PAK1: variants seen among roughly 807,000 people sequenced by gnomAD.
PAK1 encodes the protein p21 (RAC1) activated kinase 1, also known as serine/threonine-protein kinase PAK 1.
In PAK1, 29 loss-of-function variants were observed where a neutral mutation model predicts 67.4. The ratio of observed to expected loss-of-function variants is 0.43; its 90% CI spans 0.32 to 0.59. The LOEUF is 0.59. PAK1 is among the 20% of genes least tolerant of loss of function. The pLI is 0.07. For missense variants in PAK1, 337 were observed against 670.7 expected, an observed-to-expected ratio of 0.50 and a Z score of 5.50; for synonymous variants, 223 against 237.4, an observed-to-expected ratio of 0.94 and a Z score of 0.56.
At chr11:77,490,145 C>T in the PAK1 span, among the ~76,000 whole-genome samples, 6 of 151,648 alleles carry the variant, frequency 4.0e-5, no homozygotes, top group African/African-American at 9.7e-5. Context: ...CTGGCCGCCC[C>T]GTCTGAGAAG....
intron 1 of PAK1, among the ~76,000 whole-genome samples, chr11:77,444,303 A>C (rs1372641634): frequency 6.6e-6 from 1 of 151,396 alleles, no homozygotes; most frequent in African/African-American, 2.4e-5. Context: ...AAAAAAAAAA[A>C]AACCCGACGC....
intron 8 of PAK1, among the ~76,000 whole-genome samples, chr11:77,352,212 C>G (rs1258106800): frequency 6.6e-6 from 1 of 152,148 alleles, no homozygotes; most frequent in Non-Finnish European, 1.5e-5. Context: ...CCTATTCCCA[C>G]TCTACATCCT....
intron 1 of PAK1, among the ~76,000 whole-genome samples, chr11:77,443,990 C>A (rs1036262595): frequency 7.9e-5 from 12 of 152,144 alleles, no homozygotes; most frequent in African/African-American, 2.9e-4. Context: ...CACAGCAACA[C>A]TGGAGAGCAG....
intron 1 of PAK1, among the ~76,000 whole-genome samples, chr11:77,406,905 T>C (rs993060006): frequency 6.6e-6 from 1 of 152,130 alleles, no homozygotes; most frequent in African/African-American, 2.4e-5. Flanking sequence ...CAATACAATA[T>C]GGTAACTGGC....
intron 1 of PAK1, among the ~76,000 whole-genome samples, chr11:77,420,998 CA>C (rs1290907427): frequency 3.9e-5 from 6 of 152,194 alleles, no homozygotes; most frequent in Non-Finnish European, 8.8e-5. Context: ...TCTTGCCTCC[CA>C]GGGTGATCTA....
chr11:77,506,756 G>A, the PAK1 span, among the ~76,000 whole-genome samples: 1 of 152,138 alleles, frequency 6.6e-6, no homozygotes, highest in African/African-American at 2.4e-5. Flanking sequence ...TATGACATAC[G>A]ATGATTTATT....
chr11:77,507,802 A>C, the PAK1 span, among the ~76,000 whole-genome samples: 1 of 152,196 alleles, frequency 6.6e-6, no homozygotes, highest in African/African-American at 2.4e-5. Flanking sequence ...CTGGGATTAC[A>C]CGCATGAGCC....
At chr11:77,498,691 A>ATTTTTT in the PAK1 span, among the ~76,000 whole-genome samples, 131 of 72,078 alleles carry the variant, frequency 1.8e-3, 21 homozygotes, top group East Asian at 2.9e-3. Context: ...CTTGCTTGTA[A>ATTTTTT]TTTTTTTTTT....
chr11:77,394,024 G>A (rs1415622523), intron 1 of PAK1, among the ~76,000 whole-genome samples: 2 of 151,956 alleles, frequency 1.3e-5, no homozygotes, highest in Non-Finnish European at 2.9e-5. Context: ...AGATGGGGGG[G>A]ATTTCCTATC....
At chr11:77,449,094 G>GA (rs1001099613) in intron 1 of PAK1, among the ~76,000 whole-genome samples, 1 of 152,210 alleles carries the variant, frequency 6.6e-6, no homozygotes, top group African/African-American at 2.4e-5. Context: ...GCTCGAAAGA[G>GA]AAACTCCTTC....
At chr11:77,339,646 A>G (rs1469408920) in intron 11 of PAK1, among the ~76,000 whole-genome samples, 3 of 152,056 alleles carry the variant, frequency 2.0e-5, no homozygotes, top group Admixed American at 2.0e-4. Flanking sequence ...TTTTCTTAAC[A>G]CTGATTAAAT....
chr11:77,453,486 T>C (rs898887312), intron 1 of PAK1, among the ~76,000 whole-genome samples: 1 of 150,296 alleles, frequency 6.7e-6, no homozygotes, highest in Non-Finnish European at 1.5e-5. Context: ...AACTTGTAAG[T>C]ATTCTATATT....
chr11:77,464,989 A>AGTGTGT lies in PAK1; in HGVS notation c.-22+8557_-22+8562dup, dbSNP rs57578087. 1.9e-3 allele frequency among the ~76,000 whole-genome samples: 279 copies of AGTGTGT among 148,998 alleles called. 1 individual carries two copies. In the East Asian group the frequency reaches 0.029, roughly 16 times the overall value. ...TATTGGATTGGTACATACATGAAAG[A>AGTGTGT]GTGTGTGTGTGTGTGTGTGTGTGTC... On this transcript the variant is annotated intron_variant, in intron 1 of 14. Transcript: ENST00000356341.
chr11:77,379,543 T>A, intron 3 of PAK1, 155 bp from the exon 4 acceptor site: 1 of 649,060 alleles, frequency 1.5e-6, no homozygotes. Flanking sequence ...AAGCCTCTTT[T>A]ATAATATCTT....
At chr11:77,359,341 T>G (rs544439077) in intron 5 of PAK1, among the ~76,000 whole-genome samples, 1 of 152,258 alleles carries the variant, frequency 6.6e-6, no homozygotes, top group Admixed American at 6.5e-5. Flanking sequence ...TACCTTCTTA[T>G]TCTATGAATT....
At chr11:77,472,245 A>G (rs1026862746) in intron 1 of PAK1, among the ~76,000 whole-genome samples, 3 of 152,244 alleles carry the variant, frequency 2.0e-5, no homozygotes, top group African/African-American at 7.2e-5. Flanking sequence ...CTTCAGGGAA[A>G]GTATGGGAAG....
At chr11:77,374,392 T>C (rs772774116) in intron 4 of PAK1, 27 bp from the exon 5 acceptor site, 6 of 1,539,220 alleles carry the variant, frequency 3.9e-6, no homozygotes, top group South Asian at 2.2e-5. Flanking sequence ...ACAAGGGACT[T>C]AGTCAATAAC....
intron 1 of PAK1, among the ~76,000 whole-genome samples, chr11:77,416,977 G>T (rs1954998054): frequency 6.6e-6 from 1 of 151,890 alleles, no homozygotes; most frequent in African/African-American, 2.4e-5. Flanking sequence ...GTACATATGT[G>T]TTCTATACTT....
intron 1 of PAK1, among the ~76,000 whole-genome samples, chr11:77,426,757 T>C (rs1183327789): frequency 1.3e-5 from 2 of 151,300 alleles, no homozygotes; most frequent in Admixed American, 6.6e-5. Flanking sequence ...TGAATCTGTA[T>C]ATTAGAAAAT....
Sources: allele counts gnomAD v4.1 joint callset (sites outside exome capture counted in the v4.1 genomes callset), GRCh38; gene constraint gnomAD v4.1.1; transcripts MANE v1.5; gene names NCBI Gene and HGNC (gene_info 2026-07-23, HGNC 2026-07-21).